The following SLC27A1 variants were observed in gnomAD, a reference collection of about 807,000 sequenced individuals.
SLC27A1 encodes long-chain fatty acid transport protein 1.
SLC27A1 carries 61 observed loss-of-function variants against 62.2 expected under a neutral mutation model. The ratio of observed to expected loss-of-function variants is 0.98; its 90% CI spans 0.80 to 1.21. The LOEUF is 1.21. SLC27A1 is among the 50% of genes most tolerant of loss of function. The probability of loss-of-function intolerance (pLI) is 0.00; values close to 1 mark genes in which losing one functional copy is unlikely to be tolerated. For synonymous variants in SLC27A1, 435 were observed against 408.6 expected, an observed-to-expected ratio of 1.06 and a Z score of -0.78; for missense variants, 903 against 932.1, an observed-to-expected ratio of 0.97 and a Z score of 0.41.
Position 17,500,713 on chromosome 19 carries a change from T to C in SLC27A1, c.1473T>C (p.Gly491=). 1 of 1,614,154 alleles carries C rather than the reference T, an allele frequency of 6.2e-7. No homozygotes were observed. Among genetic ancestry groups the C allele is most frequent in the Non-Finnish European group, 8.5e-7 (1 of 1,180,024 alleles). Residue 491 remains glycine (G), a splice_region_variant and synonymous_variant, in exon 10 of 12, where the codon GGT becomes GGC. Coordinates refer to ENST00000252595, the MANE Select transcript of SLC27A1 (RefSeq NM_198580.3). The stretch of plus-strand genomic sequence containing the variant: ...ATCTGCCCCTCTCCCCTCTGCCAGG[T>C]GACGTGCTAGTGATGGATGAGCTGG... ...FSKGDSAYLS[G]DVLVMDELGY...
chr19:17,488,801 GA>G (rs2075263960), intron 4 of SLC27A1, 46 bp from the exon 5 acceptor site: 1 of 1,557,202 alleles, frequency 6.4e-7, no homozygotes. Context: ...TACCCTGGGG[GA>G]TTTAGGTCCC....
chr19:17,493,628 C>CTT (rs773482808), intron 6 of SLC27A1, among the ~76,000 whole-genome samples: 11 of 143,684 alleles, frequency 7.7e-5, no homozygotes, highest in South Asian at 4.4e-4. Context: ...TAGAACCTTA[C>CTT]TTTTTTTTTT....
chr19:17,476,891 T>TGG (rs1568410392), intron 1 of SLC27A1, among the ~76,000 whole-genome samples: 2 of 148,472 alleles, frequency 1.3e-5, no homozygotes, highest in Non-Finnish European at 3.0e-5. Context: ...CTGTTTTTTT[T>TGG]TTTTTTTTTT....
At chr19:17,495,228 G>GC (rs979390374) in intron 6 of SLC27A1, among the ~76,000 whole-genome samples, 4 of 151,132 alleles carry the variant, frequency 2.6e-5, no homozygotes, top group East Asian at 3.9e-4. Flanking sequence ...GCCCACCTCG[G>GC]CCCCCCAAAG....
At chr19:17,478,620 G>A (rs1165901341) in intron 1 of SLC27A1, among the ~76,000 whole-genome samples, 4 of 151,994 alleles carry the variant, frequency 2.6e-5, no homozygotes, top group African/African-American at 9.7e-5. Context: ...CACTTTGGGA[G>A]TCTGAGGTGG....
chr19:17,488,688 CCAA>C (rs1257531324), intron 4 of SLC27A1, 157 bp from the exon 5 acceptor site: 4 of 649,190 alleles, frequency 6.2e-6, no homozygotes, highest in African/African-American at 3.6e-5. Context: ...CCTAACACCA[CCAA>C]CAATTGTTGG....
chr19:17,497,420 G>A lies in SLC27A1; in HGVS notation c.1162G>A (p.Gly388Ser), dbSNP rs752429958. 1 of 1,605,058 alleles carries A rather than the reference G, an allele frequency of 6.2e-7. No individual in the cohort carries two copies. Among genetic ancestry groups the A allele is most frequent in the South Asian group, 1.1e-5 (1 of 89,874 alleles). The change falls in exon 7 of 12, where the codon GGC becomes AGC. Residue 388 changes from glycine to serine, a missense_variant. Coordinates refer to ENST00000252595, the MANE Select transcript of SLC27A1 (RefSeq NM_198580.3). Reference sequence around the variant, plus strand: ...CGTACGCCAAATCGGGGAGTTCTACGGCGCCACCGAGTGCAACTGCAGCAT... The same window carrying A: ...CGTACGCCAAATCGGGGAGTTCTACAGCGCCACCGAGTGCAACTGCAGCAT... ...FGVRQIGEFY[G>S]ATECNCSIAN... is the part of the protein sequence containing the mutation.
At chr19:17,503,327 G>A (rs2075437133) in intron 11 of SLC27A1, 1 of 152,194 alleles carries the variant, frequency 6.6e-6, no homozygotes, top group African/African-American at 2.4e-5. Context: ...TAAAGGACCA[G>A]ATAGTTAATA....
rs73020443 is a variant in SLC27A1 at position 17,487,774 on chromosome 19, A to C, written c.794+245A>C. On this transcript the variant is annotated intron_variant, in intron 4 of 11. Coordinates refer to ENST00000252595, the MANE Select transcript of SLC27A1 (RefSeq NM_198580.3). Reference sequence around the variant, plus strand: ...AGGCATCACACCCATTTTCACACCCATCTTGGGACCCGGTTGCCCTGTGCC... The same window carrying C: ...AGGCATCACACCCATTTTCACACCCCTCTTGGGACCCGGTTGCCCTGTGCC... 8.7e-3 allele frequency among the ~76,000 whole-genome samples: 1,320 copies of C among 152,106 alleles called. 13 individuals carry two copies. Among genetic ancestry groups the C allele is most frequent in the South Asian group, 0.013 (61 of 4,824 alleles).
At chr19:17,493,314 GCTAC>G (rs2075314162) in intron 6 of SLC27A1, among the ~76,000 whole-genome samples, 2 of 150,006 alleles carry the variant, frequency 1.3e-5, no homozygotes, top group Non-Finnish European at 3.0e-5. Context: ...TGTAGTCCCA[GCTAC>G]CCGGGAGGCT....
chr19:17,481,912 G>T (rs1304795758), intron 1 of SLC27A1, among the ~76,000 whole-genome samples: 2 of 152,210 alleles, frequency 1.3e-5, no homozygotes, highest in African/African-American at 4.8e-5. Flanking sequence ...AGCAGGACAG[G>T]TCCCTGCAGG....
At chr19:17,487,034 A>T in intron 2 of SLC27A1, 77 bp downstream of exon 2, 2 of 1,539,762 alleles carry the variant, frequency 1.3e-6, no homozygotes, top group Non-Finnish European at 1.7e-6. Context: ...GCTGCGCCCC[A>T]GGCCTCGGAA....
chr19:17,488,796 T>A, intron 4 of SLC27A1, 52 bp from the exon 5 acceptor site: 1 of 1,537,392 alleles, frequency 6.5e-7, no homozygotes, highest in South Asian at 1.1e-5. Context: ...GCCTGTACCC[T>A]GGGGGATTTA....
chr19:17,503,942 A>G (rs942955232), intron 11 of SLC27A1, among the ~76,000 whole-genome samples: 18 of 150,514 alleles, frequency 1.2e-4, no homozygotes, highest in African/African-American at 4.1e-4. Context: ...AAAAAAAAAA[A>G]AAAAAAAAAA....
intron 1 of SLC27A1, among the ~76,000 whole-genome samples, chr19:17,484,531 A>G (rs4808083): frequency 0.8 from 121,814 of 152,012 alleles, 50,108 homozygotes; most frequent in Non-Finnish European, 0.92. Context: ...GGTCTGCAGT[A>G]AGCCATGATC....
At position 17,496,302 on chromosome 19, in the gene SLC27A1, G is replaced by A. The variant is rs376806518; in HGVS notation, c.997-953G>A. The A allele has an allele frequency of 2.9e-5, 4 of 140,144 alleles. No homozygotes were observed. In the East Asian group the frequency reaches 7.7e-4, roughly 27 times the overall value. 8.7% of individuals were successfully genotyped at this position (140,144 alleles called of 1,614,324 possible). ...TCGGTTTCTCCATCTGTAAAGTGGC[G>A]GGGGGGGAGTCATTCCGAAGCCCAA... is the stretch of plus-strand genomic sequence containing the variant. On this transcript the variant is annotated intron_variant, in intron 6 of 11. Transcript: ENST00000252595.
At chr19:17,472,520 C>T (rs943690167) in intron 1 of SLC27A1, among the ~76,000 whole-genome samples, 1 of 151,974 alleles carries the variant, frequency 6.6e-6, no homozygotes, top group Non-Finnish European at 1.5e-5. Context: ...TACCTTTTGT[C>T]TATTGCTCAT....
rs747969307 is a variant in SLC27A1 at position 17,487,108 on chromosome 19, T to G, written c.563-66T>G. On this transcript the variant is annotated intron_variant, in intron 2 of 11. Coordinates refer to ENST00000252595, the MANE Select transcript of SLC27A1 (RefSeq NM_198580.3). ...GGGTATGCCCCGGGCAGGGAGTTGG[T>G]GCATCCCAGGCCTCGGGAGGGGGCC... 2.5e-6 allele frequency: 4 copies of G among 1,606,326 alleles called. No individual in the cohort carries two copies. The African/African-American group carries it at 5.3e-5, about 21-fold the overall frequency.
intron 6 of SLC27A1, among the ~76,000 whole-genome samples, chr19:17,491,844 A>G (rs537159645): frequency 2.0e-4 from 30 of 152,192 alleles, no homozygotes; most frequent in South Asian, 4.1e-4. Flanking sequence ...AGTGTACTCT[A>G]GCCTGGGCAA....
Sources: gnomAD v4.1 joint callset for allele counts (sites outside exome capture counted in the v4.1 genomes callset) on GRCh38, gnomAD v4.1.1 for gene constraint, MANE v1.5 for transcripts, NCBI Gene and HGNC (gene_info 2026-07-23, HGNC 2026-07-21) for gene names.